The following DYDC1 variants were observed in gnomAD, a reference collection of about 807,000 sequenced individuals.
The protein encoded by DYDC1 is DPY30 domain-containing protein 1.
In DYDC1, 21 loss-of-function variants were observed where a neutral mutation model predicts 27.9. The observed-to-expected ratio is 0.75, with a 90% CI of 0.53 to 1.08. The LOEUF is 1.08. Ranked by LOEUF, DYDC1 falls within the 50% of genes least tolerant of loss-of-function variation. The pLI, the probability that DYDC1 is intolerant of heterozygous loss-of-function variation, is 0.00. For synonymous variants in DYDC1, 67 were observed against 65.8 expected, an observed-to-expected ratio of 1.02 and a Z score of -0.09; for missense variants, 202 against 205.9, an observed-to-expected ratio of 0.98 and a Z score of 0.12.
chr10:80,340,135 A>G (rs1436269350), intron 4 of DYDC1, among the ~76,000 whole-genome samples: 1 of 152,214 alleles, frequency 6.6e-6, no homozygotes, highest in Non-Finnish European at 1.5e-5. Context: ...AAAGAGCGAA[A>G]CTAATAACCA....
chr10:80,344,914 C>T (rs1842518558), intron 3 of DYDC1: 2 of 154,638 alleles, frequency 1.3e-5, no homozygotes, highest in Non-Finnish European at 2.9e-5. Context: ...CAATTACAGA[C>T]AAGAGCATTT....
chr10:80,344,111 G>A (rs1440919333), intron 3 of DYDC1, among the ~76,000 whole-genome samples: 9 of 151,988 alleles, frequency 5.9e-5, no homozygotes, highest in Non-Finnish European at 1.2e-4. Flanking sequence ...GCGAGACTCT[G>A]TCTTAAAAAA....
chr10:80,345,984 G>A (rs1047174500), intron 3 of DYDC1, among the ~76,000 whole-genome samples: 3 of 152,100 alleles, frequency 2.0e-5, no homozygotes, highest in Non-Finnish European at 4.4e-5. Flanking sequence ...TGGGACCACA[G>A]GTGCATGCCA....
At chr10:80,338,103 G>T (rs1361654838) in intron 6 of DYDC1, 16 of 985,348 alleles carry the variant, frequency 1.6e-5, no homozygotes, top group Non-Finnish European at 1.9e-5. Flanking sequence ...TACTGGAGAA[G>T]CATGCATTCT....
intron 4 of DYDC1, among the ~76,000 whole-genome samples, chr10:80,341,702 C>T (rs369417760): frequency 6.6e-6 from 1 of 152,020 alleles, no homozygotes; most frequent in Non-Finnish European, 1.5e-5. Flanking sequence ...AGAAGTTTCA[C>T]AAACATGATT....
chr10:80,348,561 T>C (rs1010763890), intron 3 of DYDC1, among the ~76,000 whole-genome samples: 3 of 152,234 alleles, frequency 2.0e-5, no homozygotes, highest in African/African-American at 7.2e-5. Flanking sequence ...TGTCAGTGGA[T>C]GTATTTTCCA....
intron 1 of DYDC1, among the ~76,000 whole-genome samples, chr10:80,355,840 G>A (rs1376503794): frequency 2.0e-5 from 3 of 152,110 alleles, no homozygotes; most frequent in African/African-American, 4.8e-5. Flanking sequence ...TTCCAAATGA[G>A]GTTGATATTG....
At chr10:80,345,050 C>T (rs1490823263) in intron 3 of DYDC1, among the ~76,000 whole-genome samples, 1 of 74,094 alleles carries the variant, frequency 1.3e-5, no homozygotes, top group Non-Finnish European at 2.3e-5. Context: ...ATTTACAAAG[C>T]TCATGAGAAA....
intron 3 of DYDC1, 55 bp downstream of exon 3, chr10:80,351,846 G>T: frequency 6.6e-7 from 1 of 1,519,630 alleles, no homozygotes; most frequent in Non-Finnish European, 9.1e-7. Flanking sequence ...GCTGTGCCAT[G>T]CTGAGGTTGG....
intron 1 of DYDC1, 74 bp downstream of exon 1, chr10:80,356,638 C>A: frequency 1.0e-6 from 1 of 984,516 alleles, no homozygotes; most frequent in Non-Finnish European, 1.2e-6. Context: ...GTCAGAACCG[C>A]CTCTGCCCGC....
At chr10:80,342,110 A>T (rs1444207373) in intron 4 of DYDC1, among the ~76,000 whole-genome samples, 159 bp downstream of exon 4, 1 of 151,884 alleles carries the variant, frequency 6.6e-6, no homozygotes, top group Admixed American at 6.6e-5. Context: ...GTAAACTGAG[A>T]CTGAAAAAGG....
intron 1 of DYDC1, among the ~76,000 whole-genome samples, chr10:80,355,635 T>C (rs373199594): frequency 6.6e-6 from 1 of 152,162 alleles, no homozygotes; most frequent in Non-Finnish European, 1.5e-5. Context: ...ATTATGCAGA[T>C]GTACAAGAGA....
rs756221058 is a variant in DYDC1 at position 80,339,164 on chromosome 10, T to C, written c.343-11A>G. The C allele has an allele frequency of 2.6e-6, 3 of 1,165,584 alleles. No individual in the cohort carries two copies. The highest frequency in any genetic ancestry group is 3.5e-6 in the Non-Finnish European group (3 of 854,462). The allele number at this position is 1,165,584 out of a possible 1,614,324, so 72.2% of individuals were successfully genotyped here. On this transcript the variant is annotated splice_polypyrimidine_tract_variant and intron_variant, in intron 4 of 6. Coordinates refer to ENST00000372202, the MANE Select transcript of DYDC1 (RefSeq NM_001269053.2). ...ATTCATTCTCATCTCCTATAATATATAAAAATTAAGAAAATACTTTGAATA... is the reference window on the plus strand; with the variant it reads ...ATTCATTCTCATCTCCTATAATATACAAAAATTAAGAAAATACTTTGAATA...
At chr10:80,349,315 A>T (rs1842851942) in intron 3 of DYDC1, among the ~76,000 whole-genome samples, 1 of 152,260 alleles carries the variant, frequency 6.6e-6, no homozygotes, top group South Asian at 2.1e-4. Context: ...CTAATAAAAA[A>T]TTTATATTCA....
rs1323444728 is a variant in DYDC1, at chr10:80,340,430, T to C, written c.343-1277A>G. Among the ~76,000 whole-genome samples, 3 of 152,150 alleles carry C rather than the reference T, an allele frequency of 2.0e-5. No individual in the cohort carries two copies. The East Asian group carries it at 5.8e-4, about 29-fold the overall frequency. On this transcript the variant is annotated intron_variant, in intron 4 of 6. Coordinates refer to ENST00000372202, the MANE Select transcript of DYDC1 (RefSeq NM_001269053.2). ...GCTATGGTGAGGGATGATAAGCCTA[T>C]AGAAATAGGAATTACTAAAGTTATT...
intron 1 of DYDC1, among the ~76,000 whole-genome samples, chr10:80,355,425 A>C (rs985517325): frequency 6.6e-6 from 1 of 152,120 alleles, no homozygotes; most frequent in Non-Finnish European, 1.5e-5. Context: ...GGAGAATTTG[A>C]CAACATCTAG....
chr10:80,355,020 G>C (rs554503205), intron 1 of DYDC1, among the ~76,000 whole-genome samples: 2 of 151,526 alleles, frequency 1.3e-5, no homozygotes, highest in East Asian at 3.9e-4. Context: ...CCAGACAAGA[G>C]GAGTAGCTGA....
chr10:80,352,254 A>G (rs994363474), intron 2 of DYDC1, among the ~76,000 whole-genome samples: 16 of 152,246 alleles, frequency 1.1e-4, no homozygotes, highest in African/African-American at 3.9e-4. Context: ...AAGACTTCCC[A>G]TGAAAGGAAT....
intron 3 of DYDC1, among the ~76,000 whole-genome samples, chr10:80,347,953 T>C (rs1037327159): frequency 2.6e-5 from 4 of 152,216 alleles, no homozygotes; most frequent in African/African-American, 9.6e-5. Context: ...TGTACTTCCA[T>C]ACAAATTTTA....
Sources: allele counts gnomAD v4.1 joint callset (sites outside exome capture counted in the v4.1 genomes callset), GRCh38; gene constraint gnomAD v4.1.1; transcripts MANE v1.5; gene names NCBI Gene and HGNC (gene_info 2026-07-23, HGNC 2026-07-21).